Variants in EPHB2 observed in about 807,000 individuals in gnomAD.
The protein encoded by EPHB2 is EPH receptor B2.
Under a neutral mutation model 96.4 loss-of-function variants are expected in EPHB2, and 18 were observed. The ratio of observed to expected loss-of-function variants is 0.19; its 90% CI spans 0.13 to 0.28. The LOEUF (loss-of-function observed/expected upper bound fraction) is 0.28, where lower values mean the gene tolerates loss of function less well. Among genes scored for constraint, EPHB2 ranks in the 10% least tolerant of loss-of-function variants. The probability of loss-of-function intolerance (pLI) is 1.00; values close to 1 mark genes in which losing one functional copy is unlikely to be tolerated. For synonymous variants in EPHB2, 506 were observed against 534.1 expected (o/e 0.95, Z 0.72); for missense variants, 989 against 1,355.4 (o/e 0.73, Z 4.25).
chr1:22,798,320 C>T (rs1644796104), intron 3 of EPHB2, among the ~76,000 whole-genome samples: 2 of 152,344 alleles, frequency 1.3e-5, no homozygotes, highest in East Asian at 1.9e-4. Context: ...GGCCAGGGCG[C>T]CCCACAGGTC....
At chr1:22,828,873 A>G (rs978456872) in intron 3 of EPHB2, among the ~76,000 whole-genome samples, 3 of 152,246 alleles carry the variant, frequency 2.0e-5, no homozygotes, top group African/African-American at 7.2e-5. Flanking sequence ...ACCATAGACT[A>G]TTAAAATTGT....
intron 1 of EPHB2, among the ~76,000 whole-genome samples, chr1:22,729,084 G>T (rs949023863): frequency 6.6e-6 from 1 of 152,226 alleles, no homozygotes; most frequent in Non-Finnish European, 1.5e-5. Context: ...ATGCCTCCCA[G>T]TTAGGATCAC....
intron 3 of EPHB2, among the ~76,000 whole-genome samples, chr1:22,848,463 G>T (rs1278816381): frequency 6.6e-6 from 1 of 152,208 alleles, no homozygotes; most frequent in African/African-American, 2.4e-5. Flanking sequence ...GAGGATGCTG[G>T]CTGTCACTCT....
intron 3 of EPHB2, among the ~76,000 whole-genome samples, chr1:22,859,305 G>GC (rs1645755649): frequency 2.0e-5 from 3 of 149,172 alleles, no homozygotes; most frequent in Admixed American, 2.0e-4. Flanking sequence ...GGTGGGGGGG[G>GC]GGGTATTGTA....
chr1:22,713,779 A>G (rs1643221611), intron 1 of EPHB2, among the ~76,000 whole-genome samples: 1 of 152,210 alleles, frequency 6.6e-6, no homozygotes, highest in African/African-American at 2.4e-5. Context: ...CTGCCGGTTA[A>G]GTCCCCAGGA....
intron 3 of EPHB2, among the ~76,000 whole-genome samples, chr1:22,826,651 C>G (rs1356371728): frequency 6.6e-6 from 1 of 152,252 alleles, no homozygotes; most frequent in Non-Finnish European, 1.5e-5. Flanking sequence ...ACGCCTGCCT[C>G]CCCCAGGACA....
intron 1 of EPHB2, among the ~76,000 whole-genome samples, chr1:22,724,788 C>T (rs138289766): frequency 6.6e-6 from 1 of 152,226 alleles, no homozygotes; most frequent in Non-Finnish European, 1.5e-5. Context: ...TTATAGAGTC[C>T]GGTGGACTTG....
At chr1:22,747,124 C>T (rs1232638279) in intron 1 of EPHB2, among the ~76,000 whole-genome samples, 1 of 152,176 alleles carries the variant, frequency 6.6e-6, no homozygotes, top group Non-Finnish European at 1.5e-5. Flanking sequence ...TCAGCTGCTG[C>T]TTACCAGAAA....
intron 3 of EPHB2, among the ~76,000 whole-genome samples, chr1:22,843,341 GT>G (rs200262102): frequency 7.9e-5 from 12 of 151,920 alleles, no homozygotes; most frequent in African/African-American, 2.7e-4. Context: ...TTGCCACTGT[GT>G]TTTTTTTCTC....
chr1:22,791,575 C>G (rs903143250), intron 3 of EPHB2, among the ~76,000 whole-genome samples: 1 of 150,986 alleles, frequency 6.6e-6, no homozygotes, highest in African/African-American at 2.4e-5. Flanking sequence ...CTCAGCCTCC[C>G]AAAGTGTTGG....
intron 5 of EPHB2, among the ~76,000 whole-genome samples, chr1:22,881,041 G>A (rs953507036): frequency 6.6e-6 from 1 of 152,148 alleles, no homozygotes; most frequent in Admixed American, 6.5e-5. Context: ...AGAGGCTGAT[G>A]CAGGAGGGGA....
Position 22,875,332 on chromosome 1 carries a change from C to T in EPHB2, c.1304-7027C>T, listed in dbSNP as rs1341463274. Reference sequence around the variant, plus strand: ...AGAGTCCCGTCCCAAGTAAACTGTCCCTGCTACAGACCCTGGAGAGGACTA... The same window carrying T: ...AGAGTCCCGTCCCAAGTAAACTGTCTCTGCTACAGACCCTGGAGAGGACTA... On this transcript the variant is annotated intron_variant, in intron 5 of 15. Transcript: ENST00000374630. This position sits in a 1 kb window ranked among gnomAD's most constrained non-coding sequence, Gnocchi z 4.2. Among the ~76,000 whole-genome samples the T allele has an allele frequency of 6.6e-6, 1 of 152,156 alleles. No homozygotes were observed. The highest frequency in any genetic ancestry group is 2.4e-5 in the African/African-American group (1 of 41,430).
chr1:22,769,796 T>C (rs1188500643), intron 1 of EPHB2, among the ~76,000 whole-genome samples: 1 of 152,068 alleles, frequency 6.6e-6, no homozygotes. Context: ...ATAGCAGATG[T>C]ATAGATGTAT....
intron 1 of EPHB2, among the ~76,000 whole-genome samples, chr1:22,724,699 C>T (rs1381196859): frequency 6.6e-6 from 1 of 152,182 alleles, no homozygotes; most frequent in Non-Finnish European, 1.5e-5. Flanking sequence ...CATCAGAGCA[C>T]AGCCCAGAGC....
intron 3 of EPHB2, among the ~76,000 whole-genome samples, chr1:22,832,067 G>A (rs1645312423): frequency 1.3e-5 from 2 of 152,194 alleles, no homozygotes; most frequent in South Asian, 2.1e-4. Context: ...GAGGACCTTC[G>A]AGGCCCCTGG....
chr1:22,901,919 G>A (rs141645693), intron 9 of EPHB2, among the ~76,000 whole-genome samples: 349 of 152,012 alleles, frequency 2.3e-3, no homozygotes, highest in Non-Finnish European at 3.8e-3. Flanking sequence ...TCTACCTCCT[G>A]GACTCAAGCA....
rs1030370843 is a variant in EPHB2, at chr1:22,723,424, G to A, written c.61+12381G>A. Among the ~76,000 whole-genome samples the A allele has an allele frequency of 2.0e-5, 3 of 152,228 alleles. 1 individual carries two copies. The highest frequency in any genetic ancestry group is 1.3e-4 in the Admixed American group (2 of 15,290). ...CCCACGGCCTCAGATGGCAGCTCCC[G>A]CAGCTCTCGGGAGAACAGTGGAAAA... On this transcript the variant is annotated intron_variant, in intron 1 of 15. Transcript: ENST00000374630.
intron 1 of EPHB2, among the ~76,000 whole-genome samples, chr1:22,711,340 G>A (rs1386875631): frequency 6.8e-6 from 1 of 147,952 alleles, no homozygotes; most frequent in Non-Finnish European, 1.5e-5. Flanking sequence ...ACGCGCGCTC[G>A]CCGCCCCCGG....
chr1:22,859,532 A>C (rs1380707462), intron 3 of EPHB2, among the ~76,000 whole-genome samples: 1 of 152,174 alleles, frequency 6.6e-6, no homozygotes, highest in East Asian at 1.9e-4. Context: ...TCAGTGGCTC[A>C]TGTCTGTAAT....
Sources: gnomAD v4.1 joint callset for allele counts (sites outside exome capture counted in the v4.1 genomes callset) on GRCh38, gnomAD v4.1.1 for gene constraint, Gnocchi (gnomAD v3.1) non-coding constraint, MANE v1.5 for transcripts, NCBI Gene and HGNC (gene_info 2026-07-23, HGNC 2026-07-21) for gene names.